ARHGAP15: variants seen among roughly 807,000 people sequenced by gnomAD.
ARHGAP15 encodes rho GTPase-activating protein 15.
A neutral mutation model predicts 63.7 loss-of-function variants in ARHGAP15; 51 were observed. The ratio of observed to expected loss-of-function variants is 0.80; its 90% CI spans 0.64 to 1.01. ARHGAP15 has a LOEUF of 1.01. ARHGAP15 is among the 50% of genes least tolerant of loss of function. The pLI, the probability that ARHGAP15 is intolerant of heterozygous loss-of-function variation, is 0.00. For missense variants in ARHGAP15, 560 were observed against 564.6 expected, an observed-to-expected ratio of 0.99 and a Z score of 0.08; for synonymous variants, 191 against 193.8, an observed-to-expected ratio of 0.99 and a Z score of 0.12.
intron 13 of ARHGAP15, among the ~76,000 whole-genome samples, chr2:143,750,587 C>T (rs1422601036): frequency 2.0e-5 from 3 of 152,186 alleles, no homozygotes; most frequent in Non-Finnish European, 2.9e-5. Flanking sequence ...TGGTAGGGCC[C>T]ATCTAAGATC....
intron 3 of ARHGAP15, among the ~76,000 whole-genome samples, chr2:143,206,269 T>C (rs943032036): frequency 2.0e-5 from 3 of 152,130 alleles, no homozygotes; most frequent in African/African-American, 4.8e-5. Context: ...TTCTTTATTA[T>C]ATCGTACTTC....
intron 1 of ARHGAP15, among the ~76,000 whole-genome samples, chr2:143,130,023 AT>A (rs555131297): frequency 5.5e-4 from 84 of 152,040 alleles, no homozygotes; most frequent in African/African-American, 1.9e-3. Context: ...GACACTTGAA[AT>A]TTTTTTTCTA....
chr2:143,279,874 G>A (rs1681754996), intron 6 of ARHGAP15, among the ~76,000 whole-genome samples: 1 of 152,160 alleles, frequency 6.6e-6, no homozygotes, highest in African/African-American at 2.4e-5. Context: ...GGTCAGTGGT[G>A]CAGCAGCTCA....
intron 8 of ARHGAP15, among the ~76,000 whole-genome samples, chr2:143,465,857 C>T (rs1691180574): frequency 6.6e-6 from 1 of 151,916 alleles, no homozygotes; most frequent in East Asian, 1.9e-4. Context: ...TTTTGCAATT[C>T]CAAATTCACA....
chr2:143,650,611 C>T (rs1681114536), intron 12 of ARHGAP15, among the ~76,000 whole-genome samples: 1 of 151,836 alleles, frequency 6.6e-6, no homozygotes, highest in Non-Finnish European at 1.5e-5. Flanking sequence ...ATGAAGGAGA[C>T]AGGAAAGCAC....
At chr2:143,580,489 A>G (rs13428256) in intron 11 of ARHGAP15, among the ~76,000 whole-genome samples, 78,492 of 151,780 alleles carry the variant, frequency 0.52, 21,453 homozygotes, top group Non-Finnish European at 0.61. Context: ...CGGTGACAAC[A>G]GATTCTGTAT....
At chr2:143,298,904 T>A (rs563995471) in intron 6 of ARHGAP15, among the ~76,000 whole-genome samples, 3 of 152,092 alleles carry the variant, frequency 2.0e-5, no homozygotes, top group African/African-American at 7.2e-5. Context: ...TTTACAGATA[T>A]CATAATTGTG....
At chr2:143,509,453 A>G (rs1693480293) in intron 9 of ARHGAP15, among the ~76,000 whole-genome samples, 1 of 152,204 alleles carries the variant, frequency 6.6e-6, no homozygotes, top group African/African-American at 2.4e-5. Flanking sequence ...AGCAACCGAT[A>G]TTTCTAATCA....
chr2:143,147,078 C>G (rs1321072197), intron 1 of ARHGAP15, among the ~76,000 whole-genome samples: 1 of 152,018 alleles, frequency 6.6e-6, no homozygotes, highest in Non-Finnish European at 1.5e-5. Context: ...GCGACTGGGT[C>G]AAGCACTTTA....
intron 2 of ARHGAP15, among the ~76,000 whole-genome samples, chr2:143,185,917 C>G (rs1325333768): frequency 6.6e-6 from 1 of 152,126 alleles, no homozygotes; most frequent in East Asian, 1.9e-4. Context: ...ATTAACTTCT[C>G]CAGAGCTCCC....
chr2:143,459,951 A>G (rs1339574096), intron 8 of ARHGAP15, among the ~76,000 whole-genome samples: 1 of 152,158 alleles, frequency 6.6e-6, no homozygotes, highest in African/African-American at 2.4e-5. Context: ...ATGAAGTATT[A>G]AAGCAGAGGC....
chr2:143,480,563 A>G (rs1692032917), intron 8 of ARHGAP15, among the ~76,000 whole-genome samples: 1 of 152,166 alleles, frequency 6.6e-6, no homozygotes, highest in Non-Finnish European at 1.5e-5. Flanking sequence ...TCTTTCAATT[A>G]TTTCCAGATT....
At chr2:143,631,559 T>G (rs1176539331) in intron 12 of ARHGAP15, among the ~76,000 whole-genome samples, 2 of 152,098 alleles carry the variant, frequency 1.3e-5, no homozygotes, top group African/African-American at 4.8e-5. Flanking sequence ...TGCATTTCAC[T>G]AAAGATTAAT....
intron 11 of ARHGAP15, among the ~76,000 whole-genome samples, chr2:143,561,050 T>C (rs1695999177): frequency 6.6e-6 from 1 of 152,226 alleles, no homozygotes; most frequent in South Asian, 2.1e-4. Context: ...TGTGACCTCC[T>C]TACACTTTTC....
intron 9 of ARHGAP15, among the ~76,000 whole-genome samples, chr2:143,510,398 G>A (rs1175290219): frequency 6.6e-6 from 1 of 152,288 alleles, no homozygotes; most frequent in East Asian, 1.9e-4. Flanking sequence ...TTCCAGTCTA[G>A]AGCGATTGAT....
At chr2:143,166,095 C>T (rs532326404) in intron 2 of ARHGAP15, among the ~76,000 whole-genome samples, 3 of 152,064 alleles carry the variant, frequency 2.0e-5, no homozygotes, top group Non-Finnish European at 4.4e-5. Flanking sequence ...CTTGAAAATG[C>T]TAATGAATTA....
intron 6 of ARHGAP15, among the ~76,000 whole-genome samples, chr2:143,258,448 C>T (rs982112673): frequency 2.0e-5 from 3 of 152,082 alleles, no homozygotes; most frequent in Non-Finnish European, 4.4e-5. Flanking sequence ...AATGCCCACA[C>T]TTATGCATAA....
rs549076715 is a variant in ARHGAP15, at chr2:143,226,359, T to C, written c.297-2222T>C. The stretch of plus-strand genomic sequence containing the variant: ...TAGATAGGATGCAAATAAGGTATAG[T>C]GTCTCCTTGTGAGAATATGAAATGT... On this transcript the variant is annotated intron_variant, in intron 4 of 13. Coordinates refer to ENST00000295095, the MANE Select transcript of ARHGAP15 (RefSeq NM_018460.4). 7.9e-5 allele frequency among the ~76,000 whole-genome samples: 12 copies of C among 152,332 alleles called. 1 individual carries two copies. The South Asian group carries it at 2.3e-3, about 29-fold the overall frequency.
At chr2:143,523,967 C>T (rs1156920402) in intron 10 of ARHGAP15, among the ~76,000 whole-genome samples, 1 of 152,046 alleles carries the variant, frequency 6.6e-6, no homozygotes, top group Admixed American at 6.6e-5. Flanking sequence ...CAGGTATAAG[C>T]AACTTTGCAG....
Sources: gnomAD v4.1 joint callset for allele counts (sites outside exome capture counted in the v4.1 genomes callset) on GRCh38, gnomAD v4.1.1 for gene constraint, MANE v1.5 for transcripts, NCBI Gene and HGNC (gene_info 2026-07-23, HGNC 2026-07-21) for gene names.